Variants in RIMKLB observed in about 807,000 individuals in gnomAD.
RIMKLB encodes beta-citrylglutamate synthase B.
In RIMKLB, 7 loss-of-function variants were observed where a neutral mutation model predicts 32.0. The observed-to-expected ratio is 0.22, with a 90% CI of 0.12 to 0.41. The LOEUF (loss-of-function observed/expected upper bound fraction) is 0.41. Among genes scored for constraint, RIMKLB ranks in the 10% least tolerant of loss-of-function variants. The probability of loss-of-function intolerance (pLI) is 1.00; values close to 1 mark genes in which losing one functional copy is unlikely to be tolerated. For synonymous variants in RIMKLB, 172 were observed against 185.1 expected (o/e 0.93, Z 0.57); for missense variants, 289 against 498.7 (o/e 0.58, Z 4.00).
At chr12:8,750,137 A>G in intron 3 of RIMKLB, 45 bp downstream of exon 3, 2 of 1,169,376 alleles carry the variant, frequency 1.7e-6, no homozygotes, top group Non-Finnish European at 2.5e-6. Flanking sequence ...TTAACCACTG[A>G]TAGTTTTAAT....
At chr12:8,739,535 A>G (rs762541619) in intron 2 of RIMKLB, among the ~76,000 whole-genome samples, 3 of 152,092 alleles carry the variant, frequency 2.0e-5, no homozygotes, top group Non-Finnish European at 4.4e-5. Context: ...GTGCGCAATG[A>G]TGCAATCACA....
At chr12:8,737,722 T>C (rs1947141401) in intron 2 of RIMKLB, among the ~76,000 whole-genome samples, 1 of 152,158 alleles carries the variant, frequency 6.6e-6, no homozygotes, top group Non-Finnish European at 1.5e-5. Context: ...CTCTCTCTCT[T>C]TTTTATTTTG....
rs1445068468 is a variant in RIMKLB at position 8,776,098 on chromosome 12, A to G, written c.*2314A>G. The G allele has an allele frequency of 1.0e-6, 1 of 984,900 alleles. No individual in the cohort carries two copies. Among genetic ancestry groups the G allele is most frequent in the Non-Finnish European group, 1.2e-6 (1 of 829,422 alleles). The allele number at this position is 984,900 out of a possible 1,614,324, so 61.0% of individuals were successfully genotyped here. A position where few individuals can be genotyped will look rare whatever the true frequency, so the allele number is the denominator to read the frequency against. ...TGACACATACACTTTGAATAGTTAC[A>G]TATCACAAGTATGTAGTTCATGTTT... On this transcript the variant is annotated 3_prime_UTR_variant, in exon 6 of 6. Transcript: ENST00000535829.
chr12:8,767,865 T>C (rs573483710), intron 5 of RIMKLB, among the ~76,000 whole-genome samples: 14 of 152,192 alleles, frequency 9.2e-5, no homozygotes, highest in East Asian at 1.9e-4. Flanking sequence ...AGGTGCCTGG[T>C]ATTTTCCTCC....
At position 8,713,800 on chromosome 12, in the gene RIMKLB, C is replaced by T. The variant is rs1392611340; in HGVS notation, c.-56-11C>T. On this transcript the variant is annotated splice_polypyrimidine_tract_variant and intron_variant, in intron 1 of 5. Coordinates refer to ENST00000535829, the MANE Select transcript of RIMKLB (RefSeq NM_001297776.2). Reference sequence around the variant, plus strand: ...GATTTACCTTTTATGTATATTTTTTCTTCCATCTAGGTAGACGTTACATCC... The same window carrying T: ...GATTTACCTTTTATGTATATTTTTTTTTCCATCTAGGTAGACGTTACATCC... The T allele has an allele frequency of 8.1e-6, 12 of 1,489,404 alleles. No homozygotes were observed. The highest frequency in any genetic ancestry group is 1.1e-5 in the Non-Finnish European group (12 of 1,069,922). 92.3% of individuals were successfully genotyped at this position (1,489,404 alleles called of 1,614,324 possible). A position where few individuals can be genotyped will look rare whatever the true frequency, so the allele number is the denominator to read the frequency against.
intron 1 of RIMKLB, among the ~76,000 whole-genome samples, chr12:8,682,348 T>C (rs1344829097): frequency 1.3e-5 from 2 of 152,216 alleles, no homozygotes; most frequent in Non-Finnish European, 2.9e-5. Flanking sequence ...TATTGAACTA[T>C]GCCTGACAGG....
At chr12:8,743,379 T>TAAAAAAC (rs1947762630) in intron 2 of RIMKLB, among the ~76,000 whole-genome samples, 1 of 145,008 alleles carries the variant, frequency 6.9e-6, no homozygotes, top group African/African-American at 2.7e-5. Flanking sequence ...AAAAAAAAAT[T>TAAAAAAC]CCGGAAGTCC....
intron 5 of RIMKLB, among the ~76,000 whole-genome samples, chr12:8,754,975 C>T (rs896015991): frequency 2.0e-5 from 3 of 151,812 alleles, no homozygotes; most frequent in South Asian, 2.1e-4. Flanking sequence ...TTTTTTGAAA[C>T]GAGCCTCACT....
chr12:8,778,585 C>T (rs1031014093), downstream of RIMKLB, among the ~76,000 whole-genome samples: 1 of 152,184 alleles, frequency 6.6e-6, no homozygotes, highest in African/African-American at 2.4e-5. Flanking sequence ...GATAGGACTA[C>T]AACTCGTCCA....
intron 2 of RIMKLB, among the ~76,000 whole-genome samples, chr12:8,743,919 G>A (rs1174409876): frequency 1.3e-5 from 2 of 151,994 alleles, no homozygotes; most frequent in East Asian, 3.9e-4. Context: ...TTATAAGTTG[G>A]GGTTTAAGAT....
At chr12:8,694,705 T>G (rs576597347), upstream of RIMKLB, among the ~76,000 whole-genome samples, 6 of 152,176 alleles carry the variant, frequency 3.9e-5, no homozygotes, top group Non-Finnish European at 8.8e-5. Flanking sequence ...CTCCTGTTGA[T>G]TCTCATGTGT....
Position 8,774,506 on chromosome 12 carries a change from T to C in RIMKLB, c.*722T>C. The stretch of plus-strand genomic sequence containing the variant: ...TAGATAAAATTACACTAGTTTAAAA[T>C]ATGTGCATTCACTTGTATTTGTTAG... On this transcript the variant is annotated 3_prime_UTR_variant, in exon 6 of 6. Transcript: ENST00000535829. 15 of 981,456 alleles carry C rather than the reference T, an allele frequency of 1.5e-5. No homozygotes were observed. Among genetic ancestry groups the C allele is most frequent in the Non-Finnish European group, 1.8e-5 (15 of 826,162 alleles). 60.8% of individuals were successfully genotyped at this position (981,456 alleles called of 1,614,324 possible). A position where few individuals can be genotyped will look rare whatever the true frequency, so the allele number is the denominator to read the frequency against.
chr12:8,676,539 C>T, the RIMKLB span, among the ~76,000 whole-genome samples: 17 of 151,314 alleles, frequency 1.1e-4, no homozygotes, highest in Admixed American at 9.9e-4. Context: ...GCCAGGACTA[C>T]GGGTGTGCAC....
intron 2 of RIMKLB, among the ~76,000 whole-genome samples, chr12:8,732,386 T>C (rs7954527): frequency 0.071 from 10,765 of 152,142 alleles, 1,239 homozygotes; most frequent in African/African-American, 0.24. Flanking sequence ...CCCAACACAT[T>C]TAGGTCCATT....
Position 8,741,570 on chromosome 12 carries a change from G to A in RIMKLB, c.176-8292G>A, listed in dbSNP as rs377370783. Among the ~76,000 whole-genome samples, 61 of 151,728 alleles carry A rather than the reference G, an allele frequency of 4.0e-4. 3 individuals carry two copies. The highest frequency in any genetic ancestry group is 1.4e-3 in the African/African-American group (56 of 41,132). On this transcript the variant is annotated intron_variant, in intron 2 of 5. Transcript: ENST00000535829. Reference sequence around the variant, plus strand: ...TGAGGCGGGTGGATCACGGGGTCAGGAGATCGAGACCAGCCTGGCTAACAT... The same window carrying A: ...TGAGGCGGGTGGATCACGGGGTCAGAAGATCGAGACCAGCCTGGCTAACAT...
chr12:8,771,132 A>G (rs1950363935), intron 5 of RIMKLB, among the ~76,000 whole-genome samples: 1 of 152,138 alleles, frequency 6.6e-6, no homozygotes, highest in African/African-American at 2.4e-5. Context: ...ATCCAATTGG[A>G]TAGACATAAT....
the RIMKLB span, among the ~76,000 whole-genome samples, chr12:8,674,909 G>A: frequency 6.8e-6 from 1 of 146,302 alleles, no homozygotes; most frequent in African/African-American, 2.7e-5. Context: ...TGTCTCCCAG[G>A]CTGGAGTGCA....
At chr12:8,779,208 C>T (rs1488373686), downstream of RIMKLB, 3 of 152,166 alleles carry the variant, frequency 2.0e-5, no homozygotes, top group Admixed American at 2.0e-4. Context: ...CTCCAGTCAG[C>T]TGCCTGTTTG....
chr12:8,691,478 T>C (rs1037224525), intron 1 of RIMKLB, among the ~76,000 whole-genome samples: 10 of 151,920 alleles, frequency 6.6e-5, no homozygotes, highest in Admixed American at 2.6e-4. Context: ...GGTGCAGTGG[T>C]GCATGCCTGT....
Sources: allele counts gnomAD v4.1 joint callset (sites outside exome capture counted in the v4.1 genomes callset), GRCh38; gene constraint gnomAD v4.1.1; transcripts MANE v1.5; gene names NCBI Gene and HGNC (gene_info 2026-07-23, HGNC 2026-07-21).